The following INTS14 variants were observed in gnomAD, a reference collection of about 807,000 sequenced individuals.
INTS14 encodes integrator complex subunit 14.
A neutral mutation model predicts 56.9 loss-of-function variants in INTS14; 27 were observed. The observed-to-expected ratio is 0.47, with a 90% CI of 0.35 to 0.65. The LOEUF (loss-of-function observed/expected upper bound fraction) is 0.65. Ranked by LOEUF, INTS14 falls within the 30% of genes least tolerant of loss-of-function variation. The pLI is 0.00. For synonymous variants in INTS14, 207 were observed against 236.2 expected (o/e 0.88, Z 1.13); for missense variants, 517 against 632.2 (o/e 0.82, Z 1.95).
In INTS14 at chr15:65,591,629, T is replaced by TA; in HGVS notation, c.1088dup (p.Gly364ArgfsTer13). 1 of 1,614,106 alleles carries TA rather than the reference T, an allele frequency of 6.2e-7. No individual in the cohort carries two copies. Among genetic ancestry groups the TA allele is most frequent in the Non-Finnish European group, 8.5e-7 (1 of 1,179,992 alleles). On this transcript the variant is annotated frameshift_variant, in exon 9 of 12. Transcript: ENST00000313182. LOFTEE classifies it high-confidence loss of function. ...TAGGACCCAACTGTGCCATTTTCCC[T>TA]AGCCATGGGAGAGGTTCTGGGCCAG...
At chr15:65,603,441 G>C (rs2073515810) in intron 3 of INTS14, among the ~76,000 whole-genome samples, 1 of 152,028 alleles carries the variant, frequency 6.6e-6, no homozygotes, top group South Asian at 2.1e-4. Flanking sequence ...TGCTTCTTTT[G>C]AGTCAATTCA....
intron 9 of INTS14, among the ~76,000 whole-genome samples, chr15:65,587,972 T>C (rs1264594472): frequency 2.0e-5 from 3 of 151,746 alleles, no homozygotes; most frequent in Non-Finnish European, 4.4e-5. Flanking sequence ...TGAGACCCTG[T>C]CTCAAAAAAT....
chr15:65,599,628 T>C, intron 4 of INTS14, 146 bp downstream of exon 4: 1 of 904,324 alleles, frequency 1.1e-6, no homozygotes, highest in Middle Eastern at 3.6e-4. Flanking sequence ...ACCCAGAATC[T>C]TTTCAAATAA....
At chr15:65,583,349 A>T (rs1450394662) in intron 10 of INTS14, among the ~76,000 whole-genome samples, 1 of 152,256 alleles carries the variant, frequency 6.6e-6, no homozygotes, top group Non-Finnish European at 1.5e-5. Context: ...AATATTAGCC[A>T]TAAAAAGGAA....
At chr15:65,593,042 C>T (rs990514206) in intron 8 of INTS14, among the ~76,000 whole-genome samples, 3 of 151,344 alleles carry the variant, frequency 2.0e-5, no homozygotes, top group Admixed American at 6.6e-5. Flanking sequence ...GATCCTTGAG[C>T]CCAGGAGTTC....
intron 11 of INTS14, among the ~76,000 whole-genome samples, chr15:65,580,707 T>A (rs544408688): frequency 6.6e-6 from 1 of 152,302 alleles, no homozygotes; most frequent in East Asian, 1.9e-4. Context: ...CATTTTAGAA[T>A]TAGAAAGCTA....
chr15:65,611,056 A>C, intron 1 of INTS14, 42 bp downstream of exon 1: 1 of 1,535,484 alleles, frequency 6.5e-7, no homozygotes, highest in Non-Finnish European at 8.7e-7. Context: ...AACCCCAACA[A>C]GCAGCGAAAG....
chr15:65,603,988 T>C lies in INTS14; in HGVS notation c.330+1141A>G, dbSNP rs1025962479. On this transcript the variant is annotated intron_variant, in intron 3 of 11. Coordinates refer to ENST00000313182, the MANE Select transcript of INTS14 (RefSeq NM_001394796.1). ...CTACTACTTTTCAAAAGTATCTGTA[T>C]AGAACAAATTTCCAGTTATCTTTTT... 2.0e-5 allele frequency among the ~76,000 whole-genome samples: 3 copies of C among 152,350 alleles called. No homozygotes were observed. In the East Asian group the frequency reaches 5.8e-4, roughly 29 times the overall value.
chr15:65,610,631 T>C, intron 1 of INTS14: 1 of 1,508,702 alleles, frequency 6.6e-7, no homozygotes, highest in Non-Finnish European at 8.9e-7. Context: ...AAAGAACTGA[T>C]TCTCAGCAGT....
intron 1 of INTS14, chr15:65,610,565 G>T: frequency 8.9e-7 from 1 of 1,127,048 alleles, no homozygotes; most frequent in South Asian, 1.3e-5. Flanking sequence ...AATACCAAGT[G>T]TCCATCAGCT....
At chr15:65,592,603 C>T (rs761091496) in intron 8 of INTS14, among the ~76,000 whole-genome samples, 1 of 152,170 alleles carries the variant, frequency 6.6e-6, no homozygotes, top group Admixed American at 6.5e-5. Context: ...CTCTCTTAAG[C>T]CTGTCTCCTC....
chr15:65,598,308 T>C lies in INTS14; in HGVS notation c.748+13A>G, dbSNP rs1199324402. On this transcript the variant is annotated intron_variant, in intron 6 of 11. Coordinates refer to ENST00000313182, the MANE Select transcript of INTS14 (RefSeq NM_001394796.1). ...ACAGAGAAACTAAGAAATAAGTTTTTTTAAAAAGTTACCTGTGTTAATGAC... is the reference window on the plus strand; with the variant it reads ...ACAGAGAAACTAAGAAATAAGTTTTCTTAAAAAGTTACCTGTGTTAATGAC... 6.2e-7 allele frequency: 1 copy of C among 1,607,330 alleles called. No individual in the cohort carries two copies. Among genetic ancestry groups the C allele is most frequent in the Non-Finnish European group, 8.5e-7 (1 of 1,177,336 alleles).
At chr15:65,610,089 G>C (rs1308901884) in intron 1 of INTS14, among the ~76,000 whole-genome samples, 1 of 151,470 alleles carries the variant, frequency 6.6e-6, no homozygotes, top group Non-Finnish European at 1.5e-5. Context: ...AAAAAAAAAG[G>C]CCAGGCACGC....
intron 2 of INTS14, 24 bp from the exon 3 acceptor site, chr15:65,605,260 G>T: frequency 6.4e-7 from 1 of 1,557,588 alleles, no homozygotes; most frequent in South Asian, 1.1e-5. Context: ...AGATAAAATT[G>T]CTAGTTACTC....
At chr15:65,604,866 A>G (rs2073587178) in intron 3 of INTS14, among the ~76,000 whole-genome samples, 1 of 152,192 alleles carries the variant, frequency 6.6e-6, no homozygotes, top group Non-Finnish European at 1.5e-5. Context: ...CAAAAATTCC[A>G]CTGTGAGCCC....
rs2073290932 is a variant in INTS14, at chr15:65,598,339, G to T, written c.730C>A (p.Pro244Thr). The change falls in exon 6 of 12, where the codon CCT (proline) becomes ACT (threonine). Residue 244 changes from proline (P) to threonine (T), a missense_variant. By Grantham distance (38) the Pro-to-Thr change is conservative. Transcript: ENST00000313182. ...FVVDEEIDPI[P>T]KVINTDLEIV... is the part of the protein sequence containing the mutation. ...AAGTTACCTGTGTTAATGACTTTAG[G>T]GATAGGATCAATTTCTTCATCTACA... 6.2e-7 allele frequency: 1 copy of T among 1,613,736 alleles called. No individual in the cohort carries two copies. The highest frequency in any genetic ancestry group is 1.7e-5 in the Admixed American group (1 of 59,958).
intron 9 of INTS14, chr15:65,586,335 AAG>A (rs1207536030): frequency 9.9e-5 from 15 of 152,226 alleles, no homozygotes; most frequent in African/African-American, 3.6e-4. Context: ...GGACTTATAC[AAG>A]GTTTCACAGT....
In INTS14 at chr15:65,578,798, TTTA is replaced by T. The variant is rs1231658132; in HGVS notation, c.*607_*609del. ...AACCATTTTCTAGAAAATCAAATAT[TTTA>T]TTTTCATTAAAAAAAAACCTTGAAT... On this transcript the variant is annotated 3_prime_UTR_variant, in exon 12 of 12. Coordinates refer to ENST00000313182, the MANE Select transcript of INTS14 (RefSeq NM_001394796.1). The T allele has an allele frequency of 2.6e-5, 4 of 152,170 alleles. No homozygotes were observed. Among genetic ancestry groups the T allele is most frequent in the African/African-American group, 9.7e-5 (4 of 41,448 alleles). The allele number at this position is 152,170 out of a possible 1,614,324, so 9.4% of individuals were successfully genotyped here.
rs2073354202 is a variant in INTS14, at chr15:65,599,716, A to G, written c.486+58T>C. ...ATAGCACTAGTGGTATATACTGAAAAATAAACTAAGCTGTAAAATATGCCT... is the reference window on the plus strand; with the variant it reads ...ATAGCACTAGTGGTATATACTGAAAGATAAACTAAGCTGTAAAATATGCCT... On this transcript the variant is annotated intron_variant, in intron 4 of 11. Coordinates refer to ENST00000313182, the MANE Select transcript of INTS14 (RefSeq NM_001394796.1). 2.5e-6 allele frequency: 4 copies of G among 1,581,620 alleles called. 1 individual carries two copies. The highest frequency in any genetic ancestry group is 2.3e-5 in the South Asian group (2 of 85,922).
Sources: allele counts gnomAD v4.1 joint callset (sites outside exome capture counted in the v4.1 genomes callset), GRCh38; gene constraint gnomAD v4.1.1; transcripts MANE v1.5; gene names NCBI Gene and HGNC (gene_info 2026-07-23, HGNC 2026-07-21).